Variants in GON4L observed in about 807,000 individuals in gnomAD.
GON4L encodes the protein GON-4-like protein.
GON4L carries 87 observed loss-of-function variants against 211.8 expected under a neutral mutation model. The observed-to-expected ratio is 0.41, with a 90% CI of 0.35 to 0.49. The LOEUF (loss-of-function observed/expected upper bound fraction) is 0.49, where lower values mean the gene tolerates loss of function less well. Ranked by LOEUF, GON4L falls within the 20% of genes least tolerant of loss-of-function variation. The pLI, the probability that GON4L is intolerant of heterozygous loss-of-function variation, is 0.15. For synonymous variants in GON4L, 875 were observed against 962.6 expected, an observed-to-expected ratio of 0.91 and a Z score of 1.68; for missense variants, 2,155 against 2,659.5, an observed-to-expected ratio of 0.81 and a Z score of 4.17.
At chr1:155,835,482 G>A (rs1296530428) in intron 2 of GON4L, among the ~76,000 whole-genome samples, 2 of 148,364 alleles carry the variant, frequency 1.3e-5, no homozygotes, top group Admixed American at 6.7e-5. Flanking sequence ...AAAAAAATCT[G>A]CCCCTTATTT....
intron 6 of GON4L, among the ~76,000 whole-genome samples, chr1:155,816,773 T>TTAA (rs377228820): frequency 0.02 from 1,529 of 78,062 alleles, 64 homozygotes; most frequent in East Asian, 0.16. Flanking sequence ...TTTTTTTTCT[T>TTAA]AAAAAAAAAA....
chr1:155,751,495 G>A (rs148595456), intron 31 of GON4L, among the ~76,000 whole-genome samples: 3,762 of 152,270 alleles, frequency 0.025, 90 homozygotes, highest in Non-Finnish European at 0.038. Context: ...GTTGTAGTGA[G>A]CTGAGATTGT....
Position 155,751,858 on chromosome 1 carries a change from C to T in GON4L, c.6485G>A (p.Arg2162His), listed in dbSNP as rs1660629339. The T allele has an allele frequency of 1.2e-6, 2 of 1,613,110 alleles. No individual in the cohort carries two copies. Among genetic ancestry groups the T allele is most frequent in the East Asian group, 2.2e-5 (1 of 44,856 alleles). The change falls in exon 31 of 32, where the codon CGT (arginine) becomes CAT (histidine). Residue 2162 changes from arginine (R) to histidine (H), a missense_variant. By Grantham distance (29) the Arg-to-His change is conservative. Transcript: ENST00000368331. ...KVVLWTREAD[R>H]VILTMCQEQG... ...CTCCTGGCACATGGTGAGGATCACA[C>T]GGTCAGCTTCCCTGTAACCCAGGTA...
At chr1:155,841,454 A>T (rs1670766750) in intron 2 of GON4L, among the ~76,000 whole-genome samples, 1 of 152,212 alleles carries the variant, frequency 6.6e-6, no homozygotes, top group Non-Finnish European at 1.5e-5. Context: ...CAAGATTACA[A>T]TAGCTCAATG....
chr1:155,838,878 G>A (rs898083568), intron 2 of GON4L, among the ~76,000 whole-genome samples: 12 of 151,562 alleles, frequency 7.9e-5, no homozygotes, highest in Admixed American at 4.6e-4. Context: ...TCTTAAAATC[G>A]TTTTGGATGC....
chr1:155,817,922 T>TG (rs1668389425), intron 6 of GON4L, among the ~76,000 whole-genome samples: 3 of 116,638 alleles, frequency 2.6e-5, no homozygotes, highest in African/African-American at 6.7e-5. Flanking sequence ...AGCAAGTCAC[T>TG]GAAAAAAAAA....
At chr1:155,821,912 A>C (rs1250803774) in intron 4 of GON4L, among the ~76,000 whole-genome samples, 1 of 152,258 alleles carries the variant, frequency 6.6e-6, no homozygotes, top group African/African-American at 2.4e-5. Flanking sequence ...AAGTATTTAC[A>C]TATGTACAAA....
chr1:155,821,151 A>G (rs923020306), intron 5 of GON4L, among the ~76,000 whole-genome samples: 5 of 152,192 alleles, frequency 3.3e-5, no homozygotes, highest in Non-Finnish European at 5.9e-5. Context: ...CTGTAGTCCC[A>G]GCTACTCAGG....
Position 155,813,682 on chromosome 1 carries a change from C to T in GON4L, c.1404G>A (p.Ala468=), listed in dbSNP as rs34290183. ...GACTGGAAGCCAGCTCCTCATCTAC[C>T]GCATGTAACTTCTCCATGAAAGTAC... ...RDSTFMEKLH[A]VDEELASSPV... The change falls in exon 10 of 32, where the codon GCG becomes GCA. Residue 468 remains alanine, a synonymous_variant. Transcript: ENST00000368331. 4,412 of 1,613,664 alleles carry T rather than the reference C, an allele frequency of 2.7e-3. 116 individuals are homozygous for T. The African/African-American group carries it at 0.052, about 19-fold the overall frequency.
rs188659147 is a variant in GON4L at position 155,826,079 on chromosome 1, G to A, written c.697+758C>T. Among the ~76,000 whole-genome samples the A allele has an allele frequency of 2.7e-3, 403 of 152,036 alleles. 2 individuals are homozygous for A. The highest frequency in any genetic ancestry group is 8.8e-3 in the African/African-American group (365 of 41,484). On this transcript the variant is annotated intron_variant, in intron 3 of 31. Transcript: ENST00000368331. The stretch of plus-strand genomic sequence containing the variant: ...AGAAAAAAAATTAGCTGGCTGTGAC[G>A]GCACGCGCTTATAGTCCCAGCTACT...
chr1:155,834,120 A>C (rs1390761116), intron 2 of GON4L, among the ~76,000 whole-genome samples: 1 of 152,078 alleles, frequency 6.6e-6, no homozygotes, highest in Non-Finnish European at 1.5e-5. Flanking sequence ...CACTGTTCCC[A>C]GCCCCATTCC....
intron 10 of GON4L, among the ~76,000 whole-genome samples, chr1:155,812,594 T>C (rs1667890121): frequency 6.6e-6 from 1 of 151,790 alleles, no homozygotes; most frequent in African/African-American, 2.4e-5. Flanking sequence ...CTCTCTCCAT[T>C]GCCCAGGCTG....
intron 26 of GON4L, 41 bp from the exon 27 acceptor site, chr1:155,757,118 A>G: frequency 6.2e-7 from 1 of 1,613,876 alleles, no homozygotes; most frequent in East Asian, 2.2e-5. Flanking sequence ...ACACCAGGCC[A>G]ATATCCCTCC....
chr1:155,853,193 T>C (rs1250700049), intron 2 of GON4L, 83 bp downstream of exon 2: 1 of 1,133,320 alleles, frequency 8.8e-7, no homozygotes, highest in African/African-American at 1.5e-5. Context: ...CTTTCAGAAA[T>C]ACTACTCTGT....
Position 155,808,029 on chromosome 1 carries a change from T to TA in GON4L, c.1453-2889_1453-2888insT, listed in dbSNP as rs1429938354. Among the ~76,000 whole-genome samples the TA allele has an allele frequency of 2.6e-5, 4 of 151,944 alleles. No individual in the cohort carries two copies. In the East Asian group the frequency reaches 5.8e-4, roughly 22 times the overall value. Reference sequence around the variant, plus strand: ...ATCCAAAAATATCACAAAAATCTTTTCTTATTTATTTATTTTTTTTTTTTT... The same window carrying TA: ...ATCCAAAAATATCACAAAAATCTTTTACTTATTTATTTATTTTTTTTTTTTT... On this transcript the variant is annotated intron_variant, in intron 10 of 31. Transcript: ENST00000368331.
chr1:155,763,658 C>T (rs762057457), intron 21 of GON4L, 94 bp from the exon 22 acceptor site: 7 of 1,106,742 alleles, frequency 6.3e-6, no homozygotes, highest in Non-Finnish European at 8.8e-6. Flanking sequence ...TGAAGTTAAA[C>T]AATGGGGAGC....
intron 6 of GON4L, 64 bp downstream of exon 6, chr1:155,820,542 G>A: frequency 9.5e-7 from 1 of 1,048,592 alleles, no homozygotes; most frequent in Non-Finnish European, 1.5e-6. Context: ...TTTTCCCTAT[G>A]GGTGAATTAG....
At chr1:155,800,604 A>G (rs1167162834) in intron 11 of GON4L, among the ~76,000 whole-genome samples, 2 of 152,272 alleles carry the variant, frequency 1.3e-5, no homozygotes, top group East Asian at 3.9e-4. Context: ...CTGTAATCCC[A>G]GCACTTTGGG....
intron 24 of GON4L, among the ~76,000 whole-genome samples, chr1:155,759,983 G>GAT (rs34157141): frequency 0.027 from 3,576 of 134,078 alleles, 60 homozygotes; most frequent in Non-Finnish European, 0.036. Flanking sequence ...ATATATATAT[G>GAT]ATATATATAT....
Sources: allele counts gnomAD v4.1 joint callset (sites outside exome capture counted in the v4.1 genomes callset), GRCh38; gene constraint gnomAD v4.1.1; transcripts MANE v1.5; gene names NCBI Gene and HGNC (gene_info 2026-07-23, HGNC 2026-07-21).